Variants in ARL15 observed in about 807,000 individuals in gnomAD.
ARL15 encodes the protein ADP-ribosylation factor-like protein 15.
Under a neutral mutation model 25.2 loss-of-function variants are expected in ARL15, and 19 were observed. The ratio of observed to expected loss-of-function variants is 0.75; its 90% CI spans 0.53 to 1.10. The LOEUF (loss-of-function observed/expected upper bound fraction) is 1.10. Ranked by LOEUF, ARL15 falls within the 50% of genes least tolerant of loss-of-function variation. ARL15 has a pLI of 0.00. For synonymous variants in ARL15, 94 were observed against 86.8 expected (o/e 1.08, Z -0.46); for missense variants, 220 against 246.0 (o/e 0.89, Z 0.71).
At chr5:53,888,794 G>A (rs1328603451) in intron 4 of ARL15, among the ~76,000 whole-genome samples, 3 of 152,132 alleles carry the variant, frequency 2.0e-5, no homozygotes, top group Non-Finnish European at 4.4e-5. Flanking sequence ...TAGGGAGGAG[G>A]GACTGGTAGG....
chr5:54,104,089 C>A (rs903813845), intron 4 of ARL15, among the ~76,000 whole-genome samples: 3 of 152,048 alleles, frequency 2.0e-5, no homozygotes, highest in African/African-American at 7.2e-5. Context: ...TGGCTCTTCC[C>A]GTTCCCCTCT....
intron 2 of ARL15, among the ~76,000 whole-genome samples, chr5:54,164,475 G>T (rs1466765606): frequency 3.3e-5 from 5 of 151,986 alleles, no homozygotes; most frequent in African/African-American, 4.8e-5. Context: ...GTCGCTGATT[G>T]TAATTGTGGG....
intron 4 of ARL15, among the ~76,000 whole-genome samples, chr5:53,898,379 G>A (rs1744941903): frequency 6.6e-6 from 1 of 152,166 alleles, no homozygotes. Flanking sequence ...AATGGTTTGA[G>A]AATTGGTGTA....
intron 4 of ARL15, among the ~76,000 whole-genome samples, chr5:54,048,773 T>C (rs1347732895): frequency 6.7e-6 from 1 of 149,274 alleles, no homozygotes; most frequent in Non-Finnish European, 1.5e-5. Flanking sequence ...ATTTGCCTAT[T>C]ACCAGGTTGA....
intron 4 of ARL15, among the ~76,000 whole-genome samples, chr5:53,964,871 G>A (rs1747498327): frequency 6.6e-6 from 1 of 152,188 alleles, no homozygotes; most frequent in Non-Finnish European, 1.5e-5. Flanking sequence ...AAAGAGCAGT[G>A]GATGAAATGT....
intron 4 of ARL15, among the ~76,000 whole-genome samples, chr5:53,928,158 T>C (rs1746091835): frequency 6.6e-6 from 1 of 152,164 alleles, no homozygotes; most frequent in South Asian, 2.1e-4. Context: ...TGAGATGGAC[T>C]TTTGATTAGA....
intron 4 of ARL15, among the ~76,000 whole-genome samples, chr5:54,100,452 T>C (rs1453025358): frequency 6.6e-6 from 1 of 152,066 alleles, no homozygotes; most frequent in Non-Finnish European, 1.5e-5. Context: ...GTCTGATATT[T>C]TCTATACTTA....
intron 4 of ARL15, among the ~76,000 whole-genome samples, chr5:53,936,519 G>T (rs947362368): frequency 1.3e-5 from 2 of 152,160 alleles, no homozygotes; most frequent in Non-Finnish European, 2.9e-5. Flanking sequence ...TTCAATCCTG[G>T]CTTTGCCACT....
intron 1 of ARL15, among the ~76,000 whole-genome samples, chr5:54,194,079 A>G (rs1339171210): frequency 6.6e-6 from 1 of 152,140 alleles, no homozygotes. Context: ...CATGCATTGG[A>G]ATTATTCCGA....
chr5:54,191,593 G>A (rs1755402775), intron 1 of ARL15, among the ~76,000 whole-genome samples: 1 of 151,752 alleles, frequency 6.6e-6, no homozygotes, highest in Non-Finnish European at 1.5e-5. Flanking sequence ...TTTTTCAGTT[G>A]CTCAGGCCAA....
chr5:53,977,858 G>A (rs1379220147), intron 4 of ARL15, among the ~76,000 whole-genome samples: 3 of 130,960 alleles, frequency 2.3e-5, no homozygotes, highest in South Asian at 4.8e-4. Flanking sequence ...CTGCCCCCCC[G>A]CCCCAACAAC....
chr5:54,253,085 T>C (rs1757279647), intron 1 of ARL15, among the ~76,000 whole-genome samples: 1 of 152,072 alleles, frequency 6.6e-6, no homozygotes, highest in African/African-American at 2.4e-5. Flanking sequence ...ATTACAATCA[T>C]TGTTCACCAG....
intron 4 of ARL15, among the ~76,000 whole-genome samples, chr5:53,965,569 T>C (rs1185276017): frequency 6.6e-6 from 1 of 151,990 alleles, no homozygotes; most frequent in Non-Finnish European, 1.5e-5. Context: ...TTTTGGGCCT[T>C]GAATTAAATG....
intron 2 of ARL15, among the ~76,000 whole-genome samples, chr5:54,159,359 C>T (rs1370127252): frequency 6.6e-6 from 1 of 152,136 alleles, no homozygotes; most frequent in Non-Finnish European, 1.5e-5. Context: ...CTGATGCCAT[C>T]TTCAGGGTGT....
intron 2 of ARL15, among the ~76,000 whole-genome samples, chr5:54,164,897 T>G (rs889923349): frequency 6.6e-6 from 1 of 151,970 alleles, no homozygotes; most frequent in Non-Finnish European, 1.5e-5. Context: ...CTGTATCACC[T>G]TTCTACTTGT....
In ARL15 at chr5:53,941,941, G is replaced by A. The variant is rs144538601; in HGVS notation, c.463-55228C>T. Among the ~76,000 whole-genome samples, 35 of 152,220 alleles carry A rather than the reference G, an allele frequency of 2.3e-4. No individual in the cohort carries two copies. The East Asian group carries it at 3.5e-3, about 15-fold the overall frequency. ...TTTATTTTCATGATGAGAAACCACCGCAGGGCTCTGGGAAGGGAAGTGGCA... is the reference window on the plus strand; with the variant it reads ...TTTATTTTCATGATGAGAAACCACCACAGGGCTCTGGGAAGGGAAGTGGCA... On this transcript the variant is annotated intron_variant, in intron 4 of 4. Transcript: ENST00000504924.
intron 4 of ARL15, among the ~76,000 whole-genome samples, chr5:54,022,840 G>A (rs1749650859): frequency 1.3e-5 from 2 of 152,132 alleles, no homozygotes; most frequent in South Asian, 4.1e-4. Context: ...TTCAAAGGAT[G>A]GAGGGAAAGT....
chr5:53,965,257 A>C (rs1747512343), intron 4 of ARL15, among the ~76,000 whole-genome samples: 1 of 152,216 alleles, frequency 6.6e-6, no homozygotes, highest in Admixed American at 6.5e-5. Context: ...GTGTTTAATC[A>C]AATGATATAG....
In ARL15 at chr5:54,310,459, A is replaced by C; in HGVS notation, c.21T>G (p.Thr7=). The change falls in exon 1 of 5, where the codon ACT becomes ACG. Residue 7 remains threonine, a synonymous_variant. Coordinates refer to ENST00000504924, the MANE Select transcript of ARL15 (RefSeq NM_019087.3). Reference sequence around the variant, plus strand: ...GATAATCCATGTACAGAAACGCCTCAGTTATTCGGAGATCAGACATCCGGC... The same window carrying C: ...GATAATCCATGTACAGAAACGCCTCCGTTATTCGGAGATCAGACATCCGGC... The part of the protein sequence containing the change: MSDLRI[T]EAFLYMDYLC... 1.2e-6 allele frequency: 2 copies of C among 1,608,650 alleles called. No individual in the cohort carries two copies. Among genetic ancestry groups the C allele is most frequent in the Non-Finnish European group, 1.7e-6 (2 of 1,177,784 alleles).
Sources: gnomAD v4.1 joint callset for allele counts (sites outside exome capture counted in the v4.1 genomes callset) on GRCh38, gnomAD v4.1.1 for gene constraint, MANE v1.5 for transcripts, NCBI Gene and HGNC (gene_info 2026-07-23, HGNC 2026-07-21) for gene names.